CLDN14: variants seen among roughly 807,000 people sequenced by gnomAD.
CLDN14 encodes the protein claudin-14.
A neutral mutation model predicts 2.1 loss-of-function variants in CLDN14; 2 were observed. The ratio of observed to expected loss-of-function variants is 0.96; its 90% CI spans 0.39 to 3.01. The LOEUF (loss-of-function observed/expected upper bound fraction) is 3.01. Ranked by LOEUF, CLDN14 falls within the 30% of genes most tolerant of loss-of-function variation. The pLI, the probability that CLDN14 is intolerant of heterozygous loss-of-function variation, is 0.09. For synonymous variants in CLDN14, 136 were observed against 154.4 expected (o/e 0.88, Z 0.88); for missense variants, 298 against 328.0 (o/e 0.91, Z 0.71).
intron 2 of CLDN14, chr21:36,487,368 TACTC>T (rs3216089): frequency 0.6 from 127,832 of 214,006 alleles, 43,338 homozygotes; most frequent in Non-Finnish European, 0.75. Flanking sequence ...ATTCTGCACA[TACTC>T]ACTGTTGTCC....
At chr21:36,501,540 G>A (rs1465352174) in intron 2 of CLDN14, among the ~76,000 whole-genome samples, 1 of 151,710 alleles carries the variant, frequency 6.6e-6, no homozygotes, top group Admixed American at 6.6e-5. Context: ...CTATGAAACT[G>A]AACTAGAACT....
At chr21:36,461,820 G>C in intron 1 of CLDN14, 44 bp from the exon 2 acceptor site, 1 of 1,314,656 alleles carries the variant, frequency 7.6e-7, no homozygotes, top group Non-Finnish European at 1.0e-6. Flanking sequence ...GAAAGGAAAT[G>C]GGTTAAAGAT....
intron 1 of CLDN14, among the ~76,000 whole-genome samples, chr21:36,564,152 A>T (rs2087656479): frequency 6.6e-6 from 1 of 152,236 alleles, no homozygotes; most frequent in African/African-American, 2.4e-5. Context: ...AGCTCGGCTC[A>T]GTGTTTGTCA....
intron 2 of CLDN14, chr21:36,487,513 C>G (rs1013139470): frequency 3.3e-5 from 5 of 152,934 alleles, no homozygotes; most frequent in African/African-American, 9.7e-5. Flanking sequence ...ATAGAATTTT[C>G]TTTAGTAAGG....
intron 1 of CLDN14, chr21:36,542,969 G>A (rs958353383): frequency 6.6e-6 from 1 of 152,378 alleles, no homozygotes; most frequent in Non-Finnish European, 1.5e-5. Flanking sequence ...CTCAGTTTCA[G>A]GTTTAAATGC....
At chr21:36,569,873 T>C (rs2087696870) in intron 1 of CLDN14, among the ~76,000 whole-genome samples, 1 of 152,228 alleles carries the variant, frequency 6.6e-6, no homozygotes, top group African/African-American at 2.4e-5. Context: ...GTGTTTAACC[T>C]GAATTTAATC....
upstream of CLDN14, among the ~76,000 whole-genome samples, chr21:36,481,304 T>C (rs2086842898): frequency 6.6e-6 from 1 of 152,216 alleles, no homozygotes; most frequent in Non-Finnish European, 1.5e-5. Context: ...TGAACTAACT[T>C]GGAGATAGAA....
intron 1 of CLDN14, among the ~76,000 whole-genome samples, chr21:36,543,035 AGG>A (rs1300542266): frequency 2.0e-5 from 3 of 152,218 alleles, no homozygotes; most frequent in Non-Finnish European, 4.4e-5. Flanking sequence ...GGGGAGCACA[AGG>A]GTCTCCCTTC....
At chr21:36,497,459 T>C (rs2146472304) in intron 2 of CLDN14, among the ~76,000 whole-genome samples, 1 of 148,624 alleles carries the variant, frequency 6.7e-6, no homozygotes, top group South Asian at 2.1e-4. Context: ...AGGCTCTCTT[T>C]GCTTTCCAAC....
rs185667675 is a variant in CLDN14, at chr21:36,503,105, G to C, written c.-82+7258C>G. ...GTCTCACTCTTTCGCCCAGGCTGGA[G>C]TGCAGTGGCACAATCTTGGCTCACT... On this transcript the variant is annotated intron_variant, in intron 2 of 2. Transcript: ENST00000342108. 3.2e-3 allele frequency among the ~76,000 whole-genome samples: 481 copies of C among 152,310 alleles called. 3 individuals are homozygous for C. Among genetic ancestry groups the C allele is most frequent in the African/African-American group, 0.011 (447 of 41,570 alleles).
At chr21:36,557,391 A>G (rs911572205) in intron 1 of CLDN14, among the ~76,000 whole-genome samples, 3 of 152,182 alleles carry the variant, frequency 2.0e-5, no homozygotes, top group African/African-American at 4.8e-5. Context: ...AGTTGCTAAA[A>G]CATTTTACAT....
chr21:36,528,921 C>T (rs1035978934), intron 1 of CLDN14, among the ~76,000 whole-genome samples: 8 of 152,180 alleles, frequency 5.3e-5, no homozygotes, highest in Non-Finnish European at 8.8e-5. Flanking sequence ...GAGGAGGACG[C>T]GAGCTCGGCT....
chr21:36,500,187 T>G (rs2087080839), intron 2 of CLDN14, among the ~76,000 whole-genome samples: 1 of 151,892 alleles, frequency 6.6e-6, no homozygotes, highest in South Asian at 2.1e-4. Context: ...CCAGCAGAAA[T>G]CAGGGAGCGG....
intron 1 of CLDN14, among the ~76,000 whole-genome samples, chr21:36,541,082 T>A (rs534802848): frequency 2.5e-4 from 38 of 152,300 alleles, no homozygotes; most frequent in Non-Finnish European, 5.0e-4. Flanking sequence ...CAAGGATAAC[T>A]TCCAGGTTTC....
At chr21:36,565,979 T>C (rs1601639413) in intron 1 of CLDN14, among the ~76,000 whole-genome samples, 1 of 152,254 alleles carries the variant, frequency 6.6e-6, no homozygotes, top group East Asian at 1.9e-4. Flanking sequence ...TATTTTTTAG[T>C]CTAGTTTGTT....
intron 1 of CLDN14, among the ~76,000 whole-genome samples, chr21:36,567,265 T>C (rs2087680184): frequency 6.6e-6 from 1 of 152,216 alleles, no homozygotes. Context: ...AGTTTCTTTT[T>C]CCTGTATTTG....
intron 2 of CLDN14, among the ~76,000 whole-genome samples, chr21:36,508,052 C>G (rs373720596): frequency 1.3e-5 from 2 of 152,178 alleles, no homozygotes; most frequent in Admixed American, 1.3e-4. Context: ...CCAGGGAGAG[C>G]TGGGGAAGGA....
intron 1 of CLDN14, among the ~76,000 whole-genome samples, chr21:36,552,410 G>A (rs757151172): frequency 7.9e-5 from 12 of 152,328 alleles, no homozygotes; most frequent in Admixed American, 3.3e-4. Context: ...GCCATGTTGA[G>A]CGGGCACACT....
intron 1 of CLDN14, among the ~76,000 whole-genome samples, chr21:36,538,360 G>T (rs2087448210): frequency 6.6e-6 from 1 of 152,128 alleles, no homozygotes; most frequent in Admixed American, 6.5e-5. Flanking sequence ...TGTAGGACGG[G>T]TTGCAGAACT....
Sources: allele counts gnomAD v4.1 joint callset (sites outside exome capture counted in the v4.1 genomes callset), GRCh38; gene constraint gnomAD v4.1.1; transcripts MANE v1.5; gene names NCBI Gene and HGNC (gene_info 2026-07-23, HGNC 2026-07-21).